The following DLGAP2 variants were observed in gnomAD, a reference collection of about 807,000 sequenced individuals.
DLGAP2 encodes the protein disks large-associated protein 2.
Under a neutral mutation model 100.3 loss-of-function variants are expected in DLGAP2, and 26 were observed. That is an observed-to-expected ratio of 0.26 (90% CI 0.19 to 0.36). DLGAP2 has a LOEUF of 0.36. DLGAP2 is among the 10% of genes least tolerant of loss of function. The probability of loss-of-function intolerance (pLI) is 1.00; values close to 1 mark genes in which losing one functional copy is unlikely to be tolerated. For missense variants in DLGAP2, 1,858 were observed against 1,453.2 expected, an observed-to-expected ratio of 1.28 and a Z score of -4.53; for synonymous variants, 886 against 630.1, an observed-to-expected ratio of 1.41 and a Z score of -6.08.
chr8:1,468,878 C>T (rs1798704214), intron 3 of DLGAP2, among the ~76,000 whole-genome samples: 1 of 152,168 alleles, frequency 6.6e-6, no homozygotes, highest in Non-Finnish European at 1.5e-5. Context: ...CCGGCCCAGA[C>T]TCTCTTCCCG....
intron 6 of DLGAP2, among the ~76,000 whole-genome samples, chr8:1,601,679 C>T (rs907370507): frequency 6.6e-6 from 1 of 152,118 alleles, no homozygotes; most frequent in Admixed American, 6.5e-5. Context: ...TCCGCCTCGG[C>T]CCACAAACGT....
intron 1 of DLGAP2, among the ~76,000 whole-genome samples, chr8:886,207 C>T (rs1797918547): frequency 6.6e-6 from 1 of 152,106 alleles, no homozygotes; most frequent in African/African-American, 2.4e-5. Flanking sequence ...ATAGTATTCT[C>T]TGATCGTAGT....
intron 1 of DLGAP2, among the ~76,000 whole-genome samples, chr8:849,198 C>T (rs1384034503): frequency 1.3e-5 from 2 of 151,226 alleles, no homozygotes; most frequent in Non-Finnish European, 2.9e-5. Flanking sequence ...TCTTGTGGTG[C>T]ATGTTCCAGT....
chr8:1,323,842 G>C (rs1206721066), intron 3 of DLGAP2, among the ~76,000 whole-genome samples: 1 of 152,170 alleles, frequency 6.6e-6, no homozygotes, highest in Non-Finnish European at 1.5e-5. Flanking sequence ...CTGGAGCTGA[G>C]GGCTTGGCTG....
At chr8:1,209,471 C>G (rs1202914189) in intron 2 of DLGAP2, among the ~76,000 whole-genome samples, 1 of 152,136 alleles carries the variant, frequency 6.6e-6, no homozygotes. Flanking sequence ...CTGTGCTGGT[C>G]CCATGGTGGG....
chr8:1,190,751 G>T (rs1345550028), intron 2 of DLGAP2, among the ~76,000 whole-genome samples: 7 of 152,166 alleles, frequency 4.6e-5, no homozygotes, highest in Non-Finnish European at 8.8e-5. Context: ...CCTTACACCA[G>T]GGGCAGACCC....
At chr8:1,481,223 G>A (rs953802503) in intron 3 of DLGAP2, among the ~76,000 whole-genome samples, 1 of 151,672 alleles carries the variant, frequency 6.6e-6, no homozygotes, top group African/African-American at 2.4e-5. Context: ...GAAGGTTGAA[G>A]GAGGCATTTT....
At chr8:816,901 T>A (rs1427301299) in intron 1 of DLGAP2, among the ~76,000 whole-genome samples, 2 of 152,236 alleles carry the variant, frequency 1.3e-5, no homozygotes, top group African/African-American at 4.8e-5. Flanking sequence ...CTTAGAGGCT[T>A]TGTTCATATT....
chr8:1,166,841 A>T (rs1797026737), intron 2 of DLGAP2, among the ~76,000 whole-genome samples: 1 of 152,226 alleles, frequency 6.6e-6, no homozygotes, highest in Non-Finnish European at 1.5e-5. Context: ...CTACATATGG[A>T]TAATGATAAT....
chr8:1,469,006 C>T (rs182775181), intron 3 of DLGAP2, among the ~76,000 whole-genome samples: 1 of 152,208 alleles, frequency 6.6e-6, no homozygotes, highest in East Asian at 1.9e-4. Flanking sequence ...CTGCAAAGAC[C>T]AAGGTCAGAG....
chr8:1,125,809 C>T (rs186064194), intron 2 of DLGAP2, among the ~76,000 whole-genome samples: 2 of 152,342 alleles, frequency 1.3e-5, no homozygotes, highest in East Asian at 1.9e-4. Flanking sequence ...GGCCGCTCTA[C>T]AGCTAGGCTC....
chr8:939,825 G>A, intron 2 of DLGAP2, among the ~76,000 whole-genome samples: 1 of 146,838 alleles, frequency 6.8e-6, no homozygotes, highest in African/African-American at 2.6e-5. Context: ...AGTGGGAGGT[G>A]CAGACACAGG....
intron 1 of DLGAP2, among the ~76,000 whole-genome samples, chr8:823,182 G>A (rs1160430877): frequency 6.6e-6 from 1 of 152,098 alleles, no homozygotes; most frequent in Non-Finnish European, 1.5e-5. Context: ...CCACTTGGTG[G>A]CCTCAGAAGA....
chr8:1,134,194 T>C (rs1796355604), intron 2 of DLGAP2, among the ~76,000 whole-genome samples: 1 of 152,260 alleles, frequency 6.6e-6, no homozygotes. Flanking sequence ...GGCTGCATAG[T>C]ATTCCATGGT....
At chr8:913,086 A>AT (rs375441395) in intron 2 of DLGAP2, among the ~76,000 whole-genome samples, 4 of 152,036 alleles carry the variant, frequency 2.6e-5, no homozygotes, top group South Asian at 2.1e-4. Context: ...GGTTGAGCAA[A>AT]TTTTTTTTGT....
intron 2 of DLGAP2, among the ~76,000 whole-genome samples, chr8:1,151,910 G>A (rs560474872): frequency 1.4e-4 from 22 of 152,322 alleles, no homozygotes; most frequent in East Asian, 1.4e-3. Flanking sequence ...ACAGCGAAGC[G>A]TCCTGATATG....
chr8:1,501,129 G>A (rs1799708917), intron 3 of DLGAP2, among the ~76,000 whole-genome samples: 1 of 152,176 alleles, frequency 6.6e-6, no homozygotes, highest in East Asian at 1.9e-4. Flanking sequence ...CTATGTCCGT[G>A]TCTAGGTGGG....
chr8:1,194,250 G>C (rs1302601100), intron 2 of DLGAP2, among the ~76,000 whole-genome samples: 7 of 152,136 alleles, frequency 4.6e-5, no homozygotes, highest in Non-Finnish European at 8.8e-5. Context: ...CTGGCAAGTT[G>C]GAAACACAGG....
intron 2 of DLGAP2, among the ~76,000 whole-genome samples, chr8:1,249,948 T>G (rs1799000697): frequency 1.3e-5 from 2 of 152,166 alleles, no homozygotes; most frequent in Non-Finnish European, 2.9e-5. Context: ...TGGCGTGATC[T>G]CAGCTCACTG....
Sources: allele counts gnomAD v4.1 joint callset (sites outside exome capture counted in the v4.1 genomes callset), GRCh38; gene constraint gnomAD v4.1.1; transcripts MANE v1.5; gene names NCBI Gene and HGNC (gene_info 2026-07-23, HGNC 2026-07-21).